SWT1: variants seen among roughly 807,000 people sequenced by gnomAD.
SWT1 encodes the protein transcriptional protein SWT1.
Under a neutral mutation model 107.3 loss-of-function variants are expected in SWT1, and 33 were observed. The observed-to-expected ratio is 0.31, with a 90% CI of 0.23 to 0.41. The LOEUF is 0.41. SWT1 is among the 10% of genes least tolerant of loss of function. SWT1 has a pLI of 1.00. For synonymous variants in SWT1, 345 were observed against 348.3 expected (o/e 0.99, Z 0.11); for missense variants, 898 against 1,028.9 (o/e 0.87, Z 1.74).
chr1:185,283,202 T>G (rs1334747186), intron 18 of SWT1, among the ~76,000 whole-genome samples: 1 of 152,216 alleles, frequency 6.6e-6, no homozygotes, highest in African/African-American at 2.4e-5. Context: ...GATTTTAGAT[T>G]AAAGTAGCTT....
At chr1:185,168,243 A>C in intron 3 of SWT1, 97 bp from the exon 4 acceptor site, 1 of 699,424 alleles carries the variant, frequency 1.4e-6, no homozygotes. Flanking sequence ...TGGAAAGATT[A>C]AGTAAAAGTA....
intron 18 of SWT1, among the ~76,000 whole-genome samples, chr1:185,288,709 G>C (rs1464322646): frequency 6.6e-6 from 1 of 152,126 alleles, no homozygotes; most frequent in Non-Finnish European, 1.5e-5. Context: ...TGCTATACTA[G>C]ATGTTGGGTG....
chr1:185,187,592 T>C (rs1383891077), intron 9 of SWT1, among the ~76,000 whole-genome samples: 1 of 152,216 alleles, frequency 6.6e-6, no homozygotes, highest in Non-Finnish European at 1.5e-5. Context: ...ATATTAAACA[T>C]CTTAATAACT....
At chr1:185,281,575 C>T (rs911746131) in intron 18 of SWT1, 33 of 236,222 alleles carry the variant, frequency 1.4e-4, no homozygotes, top group Middle Eastern at 1.7e-3. Context: ...CAGATGTCAG[C>T]CCTGATGAGT....
chr1:185,172,022 G>A (rs995136131), intron 4 of SWT1, among the ~76,000 whole-genome samples: 2 of 152,202 alleles, frequency 1.3e-5, no homozygotes, highest in African/African-American at 4.8e-5. Context: ...TATTTGAGAA[G>A]TCACTTGTTA....
intron 14 of SWT1, among the ~76,000 whole-genome samples, chr1:185,217,510 C>A (rs973271208): frequency 5.9e-5 from 9 of 152,144 alleles, no homozygotes; most frequent in Non-Finnish European, 1.0e-4. Context: ...CTCCCATCAT[C>A]CCAGATGGGA....
In SWT1 at chr1:185,244,871, C is replaced by A. The variant is rs77148424; in HGVS notation, c.2441+13163C>A. 5.5e-3 allele frequency among the ~76,000 whole-genome samples: 837 copies of A among 152,090 alleles called. 34 individuals carry two copies. The East Asian group carries it at 0.093, about 17-fold the overall frequency. On this transcript the variant is annotated intron_variant, in intron 16 of 18. Transcript: ENST00000367500. ...CAAGGCAGGGGGTTTGCTTGAAGCC[C>A]GGAGTTCGAGAGTAGTCTAGGCAAC...
intron 5 of SWT1, chr1:185,176,751 G>C (rs992485178): frequency 2.3e-6 from 2 of 851,700 alleles, no homozygotes; most frequent in Non-Finnish European, 2.8e-6. Flanking sequence ...TTGGGAGGCC[G>C]AGGTGGGCGG....
At position 185,214,511 on chromosome 1, in the gene SWT1, T is replaced by A; in HGVS notation, c.1977T>A (p.Asn659Lys). The change falls in exon 14 of 19, where the codon AAT becomes AAA. Residue 659 changes from asparagine (N) to lysine (K), a missense_variant. Transcript: ENST00000367500. ...ESLYKNLRKA[N>K]KAVDFTTVKF... ...GTCTTAATTTTCTGTTACCAGCTAA[T>A]AAGGCAGTGGATTTTACAACAGTCA... 6.2e-7 allele frequency: 1 copy of A among 1,606,998 alleles called. No homozygotes were observed. The highest frequency in any genetic ancestry group is 8.5e-7 in the Non-Finnish European group (1 of 1,177,172).
chr1:185,183,945 T>G (rs575977189), intron 7 of SWT1, among the ~76,000 whole-genome samples: 14 of 152,298 alleles, frequency 9.2e-5, no homozygotes, highest in Admixed American at 1.3e-4. Context: ...AACCCTTACC[T>G]TCTCTGCCCA....
intron 5 of SWT1, among the ~76,000 whole-genome samples, chr1:185,175,541 C>T (rs1655471955): frequency 6.6e-6 from 1 of 152,116 alleles, no homozygotes; most frequent in South Asian, 2.1e-4. Context: ...TTAGTTGTTT[C>T]TATTACTGAT....
intron 12 of SWT1, 142 bp downstream of exon 12, chr1:185,205,005 T>C (rs1455915891): frequency 1.9e-6 from 1 of 538,602 alleles, no homozygotes; most frequent in African/African-American, 2.0e-5. Context: ...GTTTTTGAAA[T>C]AGTTTTTTGA....
In SWT1 at chr1:185,184,371, C is replaced by A. The variant is rs768405624; in HGVS notation, c.1240+27C>A. On this transcript the variant is annotated intron_variant, in intron 8 of 18. Transcript: ENST00000367500. ...TATTTACAGAACATATTTAAAGATTCTGATTTTCTTCCTTGAGTTGATATT... is the reference window on the plus strand; with the variant it reads ...TATTTACAGAACATATTTAAAGATTATGATTTTCTTCCTTGAGTTGATATT... 2.1e-5 allele frequency: 27 copies of A among 1,310,114 alleles called. No homozygotes were observed. The East Asian group carries it at 6.1e-4, about 30-fold the overall frequency. 81.2% of individuals were successfully genotyped at this position (1,310,114 alleles called of 1,614,324 possible).
intron 18 of SWT1, among the ~76,000 whole-genome samples, chr1:185,277,177 G>GGCCGGATT (rs1175425981): frequency 9.2e-5 from 14 of 152,206 alleles, no homozygotes; most frequent in Non-Finnish European, 1.6e-4. Context: ...TGATAAGCAT[G>GGCCGGATT]GCCGGATTGC....
intron 18 of SWT1, among the ~76,000 whole-genome samples, chr1:185,278,086 A>G (rs1671734901): frequency 6.6e-6 from 1 of 151,968 alleles, no homozygotes; most frequent in Non-Finnish European, 1.5e-5. Flanking sequence ...GGCTTCCCAA[A>G]GTACAGGGAT....
chr1:185,222,167 G>T (rs1304192906), intron 15 of SWT1, 131 bp downstream of exon 15: 4 of 553,258 alleles, frequency 7.2e-6, no homozygotes, highest in Non-Finnish European at 8.5e-6. Flanking sequence ...ATCAAATCAG[G>T]CTAGTGAGCC....
At chr1:185,183,762 C>T (rs984745439) in intron 7 of SWT1, among the ~76,000 whole-genome samples, 10 of 152,156 alleles carry the variant, frequency 6.6e-5, no homozygotes, top group African/African-American at 2.4e-4. Context: ...TTATAGTATT[C>T]TACTGGTGGG....
intron 2 of SWT1, among the ~76,000 whole-genome samples, chr1:185,163,487 G>A (rs12408500): frequency 0.045 from 6,807 of 149,890 alleles, 217 homozygotes; most frequent in East Asian, 0.11. Flanking sequence ...TCTGCCTCCT[G>A]GGTTCAGGCG....
intron 12 of SWT1, among the ~76,000 whole-genome samples, chr1:185,205,558 G>A (rs1242865861): frequency 1.5e-4 from 23 of 152,036 alleles, no homozygotes; most frequent in African/African-American, 5.3e-4. Flanking sequence ...TATTAGAGAC[G>A]AGGTTTCACC....
Sources: allele counts gnomAD v4.1 joint callset (sites outside exome capture counted in the v4.1 genomes callset), GRCh38; gene constraint gnomAD v4.1.1; transcripts MANE v1.5; gene names NCBI Gene and HGNC (gene_info 2026-07-23, HGNC 2026-07-21).